Variants in MYO18B observed in about 807,000 individuals in gnomAD.
MYO18B encodes unconventional myosin-XVIIIb.
MYO18B carries 204 observed loss-of-function variants against 273.0 expected under a neutral mutation model. The ratio of observed to expected loss-of-function variants is 0.75; its 90% CI spans 0.67 to 0.84. MYO18B has a LOEUF of 0.84. Ranked by LOEUF, MYO18B falls within the 40% of genes least tolerant of loss-of-function variation. The pLI is 0.00. For synonymous variants in MYO18B, 1,330 were observed against 1,305.7 expected (o/e 1.02, Z -0.40); for missense variants, 3,212 against 3,287.6 (o/e 0.98, Z 0.56).
intron 39 of MYO18B, chr22:25,964,246 A>T (rs1336644313): frequency 6.6e-6 from 1 of 152,490 alleles, no homozygotes; most frequent in Non-Finnish European, 1.5e-5. Context: ...AGGGTGACAG[A>T]TGTTACAGCT....
At chr22:25,948,812 G>A (rs1190926196) in intron 36 of MYO18B, among the ~76,000 whole-genome samples, 1 of 152,022 alleles carries the variant, frequency 6.6e-6, no homozygotes, top group Non-Finnish European at 1.5e-5. Flanking sequence ...GAAAGGAAGT[G>A]TACACAATTC....
Position 25,789,884 on chromosome 22 carries a change from G to A in MYO18B, c.2376+4393G>A, listed in dbSNP as rs768590643. ...TTAAAACTTTCTGGCCGGGCATGGTGGCTCATGCCTGTAATCCCAGCACTT... is the reference window on the plus strand; with the variant it reads ...TTAAAACTTTCTGGCCGGGCATGGTAGCTCATGCCTGTAATCCCAGCACTT... On this transcript the variant is annotated intron_variant, in intron 11 of 43. Coordinates refer to ENST00000335473, the MANE Select transcript of MYO18B (RefSeq NM_032608.7). 2.6e-4 allele frequency among the ~76,000 whole-genome samples: 40 copies of A among 152,284 alleles called. 1 individual carries two copies. Among genetic ancestry groups the A allele is most frequent in the Non-Finnish European group, 5.3e-4 (36 of 68,016 alleles).
intron 33 of MYO18B, among the ~76,000 whole-genome samples, chr22:25,918,354 T>C (rs985142021): frequency 2.6e-5 from 4 of 152,188 alleles, no homozygotes; most frequent in African/African-American, 9.7e-5. Context: ...TGATAAATGG[T>C]GAACCAACTA....
At chr22:25,998,368 G>A (rs1449395233) in intron 40 of MYO18B, among the ~76,000 whole-genome samples, 1 of 152,196 alleles carries the variant, frequency 6.6e-6, no homozygotes, top group African/African-American at 2.4e-5. Flanking sequence ...TGGCTAGGGG[G>A]TAAAGGGGTT....
intron 12 of MYO18B, among the ~76,000 whole-genome samples, chr22:25,817,917 C>A (rs933934519): frequency 2.0e-5 from 3 of 152,212 alleles, no homozygotes; most frequent in Non-Finnish European, 4.4e-5. Flanking sequence ...TGGCCGGCCA[C>A]TCTGCCCTGC....
intron 39 of MYO18B, among the ~76,000 whole-genome samples, chr22:25,986,874 G>A (rs1024259641): frequency 6.6e-6 from 1 of 152,094 alleles, no homozygotes. Context: ...TGCATGTATT[G>A]TACACACACG....
intron 42 of MYO18B, among the ~76,000 whole-genome samples, chr22:26,012,480 G>A (rs1156455432): frequency 2.0e-5 from 3 of 152,162 alleles, no homozygotes; most frequent in Non-Finnish European, 4.4e-5. Context: ...ATCAGTATTA[G>A]GAAGATTAGT....
At chr22:25,749,993 C>T (rs543944615) in intron 1 of MYO18B, among the ~76,000 whole-genome samples, 4 of 152,318 alleles carry the variant, frequency 2.6e-5, no homozygotes, top group South Asian at 2.1e-4. Context: ...GCTTGTGAGC[C>T]GCAAGGGTGG....
intron 34 of MYO18B, among the ~76,000 whole-genome samples, chr22:25,937,145 G>A (rs1053205004): frequency 2.0e-5 from 3 of 151,688 alleles, no homozygotes; most frequent in Non-Finnish European, 2.9e-5. Flanking sequence ...AGTGAGTGGC[G>A]TGATCTTGGC....
chr22:26,035,888 A>T (rs1318473367), downstream of MYO18B, among the ~76,000 whole-genome samples: 1 of 152,234 alleles, frequency 6.6e-6, no homozygotes. Context: ...GGAGGCTCAA[A>T]GGTCAATTTC....
intron 12 of MYO18B, among the ~76,000 whole-genome samples, chr22:25,813,526 A>G (rs1294967594): frequency 6.6e-6 from 1 of 152,190 alleles, no homozygotes; most frequent in African/African-American, 2.4e-5. Context: ...AGCTCCACTC[A>G]AGGGTTTCTA....
In MYO18B at chr22:25,846,180, C is replaced by T. The variant is rs1205519119; in HGVS notation, c.3449C>T (p.Ser1150Phe). The T allele has an allele frequency of 2.2e-5, 35 of 1,611,664 alleles. 1 individual carries two copies. The Admixed American group carries it at 5.8e-4, about 27-fold the overall frequency. Residue 1150 changes from serine to phenylalanine, a missense_variant, in exon 19 of 44, where the codon TCC (serine) becomes TTC (phenylalanine). By Grantham distance (155) the Ser-to-Phe change is radical. Transcript: ENST00000335473. Reference protein sequence around the residue: ...CRAVAGLEGTSQQALQRSRMV... With the variant: ...CRAVAGLEGTFQQALQRSRMV... ...GCTGTGGCAGGCCTGGAGGGCACCT[C>T]CCAGCAGGCCCTGCAGAGGAGCCGC...
At chr22:25,995,399 A>C (rs1321020026) in intron 40 of MYO18B, among the ~76,000 whole-genome samples, 1 of 152,202 alleles carries the variant, frequency 6.6e-6, no homozygotes, top group South Asian at 2.1e-4. Context: ...AAAGGAGTAT[A>C]GTTGGATTGT....
intron 18 of MYO18B, 119 bp downstream of exon 18, chr22:25,844,013 C>T (rs1601323714): frequency 1.1e-6 from 1 of 898,292 alleles, no homozygotes; most frequent in Admixed American, 2.8e-5. Context: ...GGAATCCCAT[C>T]CCTCCATAAT....
chr22:25,810,920 GT>G (rs1323120697), intron 12 of MYO18B, among the ~76,000 whole-genome samples: 2 of 151,796 alleles, frequency 1.3e-5, no homozygotes, highest in Non-Finnish European at 2.9e-5. Context: ...TCCTTGATGG[GT>G]TTTGACAATT....
At position 25,768,898 on chromosome 22, in the gene MYO18B, T is replaced by C. The variant is rs1214137761; in HGVS notation, c.982T>C (p.Trp328Arg). The change falls in exon 4 of 44, where the codon TGG becomes CGG. Residue 328 changes from tryptophan to arginine, a missense_variant. Trp to Arg is a moderately radical substitution (Grantham distance 101, BLOSUM62 -3). Coordinates refer to ENST00000335473, the MANE Select transcript of MYO18B (RefSeq NM_032608.7). ...WGGFLGRRSKWDGPQNKKDKE... is the reference protein window; with the variant it reads ...WGGFLGRRSKRDGPQNKKDKE... ...AGGTTTCCTGGGAAGAAGGAGTAAG[T>C]GGGACGGTCCCCAGAATAAGAAGGA... 3.1e-6 allele frequency: 5 copies of C among 1,612,868 alleles called. No individual in the cohort carries two copies. In the Admixed American group the frequency reaches 8.4e-5, roughly 27 times the overall value.
intron 34 of MYO18B, among the ~76,000 whole-genome samples, chr22:25,928,308 C>A (rs1200921402): frequency 6.6e-6 from 1 of 150,566 alleles, no homozygotes; most frequent in Non-Finnish European, 1.5e-5. Context: ...TGTCTCACAC[C>A]TGTAATCCTA....
chr22:26,056,545 A>G, the MYO18B span, among the ~76,000 whole-genome samples: 4 of 152,218 alleles, frequency 2.6e-5, no homozygotes, highest in African/African-American at 9.6e-5. Flanking sequence ...GTGATCTCCC[A>G]TCAATTTGAG....
At chr22:25,811,172 C>G (rs925462884) in intron 12 of MYO18B, among the ~76,000 whole-genome samples, 10 of 150,066 alleles carry the variant, frequency 6.7e-5, no homozygotes, top group Admixed American at 6.6e-5. Flanking sequence ...CGCCACTGTG[C>G]CCGGCTATTT....
Sources: allele counts gnomAD v4.1 joint callset (sites outside exome capture counted in the v4.1 genomes callset), GRCh38; gene constraint gnomAD v4.1.1; transcripts MANE v1.5; gene names NCBI Gene and HGNC (gene_info 2026-07-23, HGNC 2026-07-21).